ONECUT3: variants seen among roughly 807,000 people sequenced by gnomAD.
ONECUT3 encodes the protein one cut domain family member 3.
A neutral mutation model predicts 16.8 loss-of-function variants in ONECUT3; 11 were observed. The ratio of observed to expected loss-of-function variants is 0.66; its 90% CI spans 0.41 to 1.09. The LOEUF is 1.09. Among genes scored for constraint, ONECUT3 ranks in the 50% least tolerant of loss-of-function variants. The pLI, the probability that ONECUT3 is intolerant of heterozygous loss-of-function variation, is 0.00. For synonymous variants in ONECUT3, 344 were observed against 310.7 expected, an observed-to-expected ratio of 1.11 and a Z score of -1.13; for missense variants, 637 against 629.9, an observed-to-expected ratio of 1.01 and a Z score of -0.12.
chr19:1,774,416 G>A (rs1344875728), intron 1 of ONECUT3, among the ~76,000 whole-genome samples: 3 of 67,426 alleles, frequency 4.4e-5, no homozygotes, highest in South Asian at 4.1e-4. Context: ...CTTCCCCTCC[G>A]CAAAAAAAAA....
At position 1,753,826 on chromosome 19, in the gene ONECUT3, A is replaced by ACGGTGG. The variant is rs1173387981; in HGVS notation, c.167_168insTGGCGG (p.Gly63_Gly64dup). 2 of 951,602 alleles carry ACGGTGG rather than the reference A, an allele frequency of 2.1e-6. No individual in the cohort carries two copies. Among genetic ancestry groups the ACGGTGG allele is most frequent in the African/African-American group, 3.7e-5 (2 of 54,744 alleles). The allele number at this position is 951,602 out of a possible 1,614,324, so 58.9% of individuals were successfully genotyped here. A position where few individuals can be genotyped will look rare whatever the true frequency, so the allele number is the denominator to read the frequency against. ...GTGGCCGGCATGGCGAGCCTGCTGG[A>ACGGTGG]CGGCGGCGGCGGCGGCGGCGGTGGG... is the stretch of plus-strand genomic sequence containing the variant. On this transcript the variant is annotated inframe_insertion, in exon 1 of 2. Transcript: ENST00000382349.
At position 1,775,584 on chromosome 19, in the gene ONECUT3, G is replaced by T. The variant is rs1226624565; in HGVS notation, c.*139G>T. 7.7e-6 allele frequency: 6 copies of T among 775,490 alleles called. No homozygotes were observed. In the East Asian group the frequency reaches 1.3e-4, roughly 17 times the overall value. The allele number at this position is 775,490 out of a possible 1,614,324, so 48.0% of individuals were successfully genotyped here. On this transcript the variant is annotated 3_prime_UTR_variant, in exon 2 of 2. Coordinates refer to ENST00000382349, the MANE Select transcript of ONECUT3 (RefSeq NM_001080488.2). Reference sequence around the variant, plus strand: ...GTGCTATCCGGGCCCCCCACACCCGGGGAGGGGGAAGCAGCACACCCCCCA... The same window carrying T: ...GTGCTATCCGGGCCCCCCACACCCGTGGAGGGGGAAGCAGCACACCCCCCA...
chr19:1,769,461 C>T (rs2068033539), intron 1 of ONECUT3, among the ~76,000 whole-genome samples: 1 of 152,044 alleles, frequency 6.6e-6, no homozygotes, highest in African/African-American at 2.4e-5. Flanking sequence ...AGGGCTTCAC[C>T]CCCGTCCCCA....
At position 1,755,242 on chromosome 19, in the gene ONECUT3, A is replaced by T. The variant is rs1393708887; in HGVS notation, c.1192+388A>T. On this transcript the variant is annotated intron_variant, in intron 1 of 1. Coordinates refer to ENST00000382349, the MANE Select transcript of ONECUT3 (RefSeq NM_001080488.2). This position sits in a 1 kb window ranked among gnomAD's most constrained non-coding sequence, Gnocchi z 7.5. ...CTGTTGGGGGGAGCTGTGTCCCCGA[A>T]CGAGCTGCTGTTGTCGGCTAAGGTG... 2.0e-5 allele frequency among the ~76,000 whole-genome samples: 3 copies of T among 151,296 alleles called. No homozygotes were observed. The highest frequency in any genetic ancestry group is 4.4e-5 in the Non-Finnish European group (3 of 67,802).
rs1381621876 is a variant in ONECUT3, at chr19:1,764,375, G to A, written c.1192+9521G>A. 6.6e-6 allele frequency among the ~76,000 whole-genome samples: 1 copy of A among 152,186 alleles called. No individual in the cohort carries two copies. The highest frequency in any genetic ancestry group is 1.5e-5 in the Non-Finnish European group (1 of 68,034). ...TCCCGGTTAAGTCTTTGAAGGCTCA[G>A]AACTAATTTGAAAATGCAGTCATTA... On this transcript the variant is annotated intron_variant, in intron 1 of 1. Transcript: ENST00000382349. This position sits in a 1 kb window ranked among gnomAD's most constrained non-coding sequence, Gnocchi z 5.0.
At chr19:1,756,415 T>C (rs552657121) in intron 1 of ONECUT3, among the ~76,000 whole-genome samples, 1 of 152,210 alleles carries the variant, frequency 6.6e-6, no homozygotes, top group Non-Finnish European at 1.5e-5. Context: ...CCCCTCCCCA[T>C]GACACATACA....
At chr19:1,773,411 T>C (rs1010624614) in intron 1 of ONECUT3, among the ~76,000 whole-genome samples, 2 of 152,204 alleles carry the variant, frequency 1.3e-5, no homozygotes, top group African/African-American at 4.8e-5. Context: ...GGGAGTGAAG[T>C]GTGCGTCAGC....
intron 1 of ONECUT3, among the ~76,000 whole-genome samples, chr19:1,774,691 G>A (rs1326284187): frequency 6.6e-6 from 1 of 151,078 alleles, no homozygotes; most frequent in African/African-American, 2.4e-5. Context: ...GGGGTTTGGG[G>A]GGTATGAGGC....
Position 1,754,152 on chromosome 19 carries a change from G to C in ONECUT3, c.490G>C (p.Val164Leu). 9.5e-7 allele frequency: 1 copy of C among 1,047,576 alleles called. No homozygotes were observed. The highest frequency in any genetic ancestry group is 2.9e-5 in the South Asian group (1 of 34,428). 64.9% of individuals were successfully genotyped at this position (1,047,576 alleles called of 1,614,324 possible). Residue 164 changes from valine (V) to leucine (L), a missense_variant, in exon 1 of 2, where the codon GTG (valine) becomes CTG (leucine). By Grantham distance (32) the Val-to-Leu change is conservative. Around this residue, in one of 3 missense-constraint regions of ONECUT3, gnomAD observed 419 missense variants for 377.9 expected, o/e 1.11. Transcript: ENST00000382349. This position sits in a 1 kb window ranked among gnomAD's most constrained non-coding sequence, Gnocchi z 7.4. ...CCCGCCGCAGCGTCTGGCGGCCAGCGTGAGCGGCAGCTTCACCCTCATGCG... is the reference window on the plus strand; with the variant it reads ...CCCGCCGCAGCGTCTGGCGGCCAGCCTGAGCGGCAGCTTCACCCTCATGCG... ...PPPPQRLAAS[V>L]SGSFTLMRDE... is the part of the protein sequence containing the mutation.
At position 1,754,577 on chromosome 19, in the gene ONECUT3, C is replaced by A; in HGVS notation, c.915C>A (p.Pro305=). 8.3e-7 allele frequency: 1 copy of A among 1,208,218 alleles called. No homozygotes were observed. Among genetic ancestry groups the A allele is most frequent in the Non-Finnish European group, 1.0e-6 (1 of 965,114 alleles). The allele number at this position is 1,208,218 out of a possible 1,614,324, so 74.8% of individuals were successfully genotyped here. ...AHGPHGGGGG[P]GGSGGGPSAG... is the part of the protein sequence containing the mutation. The stretch of plus-strand genomic sequence containing the variant: ...GGCCGCACGGGGGAGGCGGCGGCCC[C>A]GGCGGGAGCGGCGGCGGCCCCAGCG... The change falls in exon 1 of 2, where the codon CCC becomes CCA. Residue 305 remains proline (P), a synonymous_variant. Transcript: ENST00000382349. This position sits in a 1 kb window ranked among gnomAD's most constrained non-coding sequence, Gnocchi z 7.4.
At position 1,754,908 on chromosome 19, in the gene ONECUT3, G is replaced by C. The variant is rs1303325517; in HGVS notation, c.1192+54G>C. ...CTGGGGGCGCCGGCTCTGGACTCCCGAGCACCTAGCGGGGCGGCGGCCGAT... is the reference window on the plus strand; with the variant it reads ...CTGGGGGCGCCGGCTCTGGACTCCCCAGCACCTAGCGGGGCGGCGGCCGAT... On this transcript the variant is annotated intron_variant, in intron 1 of 1. Coordinates refer to ENST00000382349, the MANE Select transcript of ONECUT3 (RefSeq NM_001080488.2). This position sits in a 1 kb window ranked among gnomAD's most constrained non-coding sequence, Gnocchi z 7.4. 1 of 1,303,288 alleles carries C rather than the reference G, an allele frequency of 7.7e-7. No individual in the cohort carries two copies. The highest frequency in any genetic ancestry group is 1.5e-5 in the African/African-American group (1 of 64,888). 80.7% of individuals were successfully genotyped at this position (1,303,288 alleles called of 1,614,324 possible).
At chr19:1,760,522 G>A (rs191128553) in intron 1 of ONECUT3, among the ~76,000 whole-genome samples, 31 of 152,238 alleles carry the variant, frequency 2.0e-4, no homozygotes, top group Non-Finnish European at 4.0e-4. Flanking sequence ...CCCCACAGGA[G>A]CCACATCCTT....
chr19:1,770,266 T>G (rs149013852), intron 1 of ONECUT3, among the ~76,000 whole-genome samples: 3 of 151,868 alleles, frequency 2.0e-5, no homozygotes, highest in African/African-American at 7.3e-5. Context: ...TTTGTGGGGG[T>G]TTTTTGTTTT....
At position 1,776,707 on chromosome 19, in the gene ONECUT3, G is replaced by T. The variant is rs2068111918; in HGVS notation, c.*1262G>T. Reference sequence around the variant, plus strand: ...GCCGGCCGCGGGATCCCAGGAGCCCGCCTCCTCCGGGGGTTCAAGATCCGA... The same window carrying T: ...GCCGGCCGCGGGATCCCAGGAGCCCTCCTCCTCCGGGGGTTCAAGATCCGA... On this transcript the variant is annotated 3_prime_UTR_variant, in exon 2 of 2. Transcript: ENST00000382349. This position sits in a 1 kb window ranked among gnomAD's most constrained non-coding sequence, Gnocchi z 4.9. 1 of 141,650 alleles carries T rather than the reference G, an allele frequency of 7.1e-6. No homozygotes were observed. Among genetic ancestry groups the T allele is most frequent in the African/African-American group, 2.7e-5 (1 of 37,542 alleles). 8.8% of individuals were successfully genotyped at this position (141,650 alleles called of 1,614,324 possible).
Position 1,755,110 on chromosome 19 carries a change from A to T in ONECUT3, c.1192+256A>T, listed in dbSNP as rs1394161892. ...GCTTCTGCCCCTTTCGGGAGCGCGT[A>T]GGGGTTCTCTAGTCCTTGTTAGACT... On this transcript the variant is annotated intron_variant, in intron 1 of 1. Coordinates refer to ENST00000382349, the MANE Select transcript of ONECUT3 (RefSeq NM_001080488.2). This position sits in a 1 kb window ranked among gnomAD's most constrained non-coding sequence, Gnocchi z 7.5. Among the ~76,000 whole-genome samples, 1 of 152,074 alleles carries T rather than the reference A, an allele frequency of 6.6e-6. No homozygotes were observed. Among genetic ancestry groups the T allele is most frequent in the Non-Finnish European group, 1.5e-5 (1 of 68,012 alleles).
rs2067936211 is a variant in ONECUT3, at chr19:1,759,739, G to A, written c.1192+4885G>A. ...GACTTGAGCCTCAGTTTTCTTATCTGAGAAATGGGCAGAATGAAATGACGC... is the reference window on the plus strand; with the variant it reads ...GACTTGAGCCTCAGTTTTCTTATCTAAGAAATGGGCAGAATGAAATGACGC... On this transcript the variant is annotated intron_variant, in intron 1 of 1. Coordinates refer to ENST00000382349, the MANE Select transcript of ONECUT3 (RefSeq NM_001080488.2). The surrounding 1 kb of genome is among the most constrained non-coding windows in gnomAD (Gnocchi z 4.1). Among the ~76,000 whole-genome samples the A allele has an allele frequency of 6.6e-6, 1 of 152,152 alleles. No homozygotes were observed. The highest frequency in any genetic ancestry group is 2.4e-5 in the African/African-American group (1 of 41,438).
rs1325590753 is a variant in ONECUT3, at chr19:1,779,619, A to G, written c.*4174A>G. On this transcript the variant is annotated 3_prime_UTR_variant, in exon 2 of 2. Transcript: ENST00000382349. Reference sequence around the variant, plus strand: ...AAAAAAAAAGACAAAATGGAATTTGAGTTGGTGCATGACTAATGTACTCTT... The same window carrying G: ...AAAAAAAAAGACAAAATGGAATTTGGGTTGGTGCATGACTAATGTACTCTT... 1 of 138,752 alleles carries G rather than the reference A, an allele frequency of 7.2e-6. No homozygotes were observed. Among genetic ancestry groups the G allele is most frequent in the Non-Finnish European group, 1.5e-5 (1 of 65,926 alleles). The allele number at this position is 138,752 out of a possible 1,614,324, so 8.6% of individuals were successfully genotyped here.
In ONECUT3 at chr19:1,759,761, A is replaced by C. The variant is rs2067936278; in HGVS notation, c.1192+4907A>C. The stretch of plus-strand genomic sequence containing the variant: ...TCTGAGAAATGGGCAGAATGAAATG[A>C]CGCCTAGGAGAGGGGGTATGAGGGG... On this transcript the variant is annotated intron_variant, in intron 1 of 1. Transcript: ENST00000382349. This position sits in a 1 kb window ranked among gnomAD's most constrained non-coding sequence, Gnocchi z 4.1. 6.6e-6 allele frequency among the ~76,000 whole-genome samples: 1 copy of C among 151,730 alleles called. No homozygotes were observed. The highest frequency in any genetic ancestry group is 1.5e-5 in the Non-Finnish European group (1 of 67,982).
At chr19:1,756,992 T>C (rs1241771012) in intron 1 of ONECUT3, among the ~76,000 whole-genome samples, 1 of 152,094 alleles carries the variant, frequency 6.6e-6, no homozygotes, top group Non-Finnish European at 1.5e-5. Context: ...GCACCCAGAG[T>C]CCACACCACT....
Sources: gnomAD v4.1 joint callset for allele counts (sites outside exome capture counted in the v4.1 genomes callset) on GRCh38, gnomAD v4.1.1 for gene constraint, gnomAD v4.1.1 regional missense constraint, Gnocchi (gnomAD v3.1) non-coding constraint, MANE v1.5 for transcripts, NCBI Gene and HGNC (gene_info 2026-07-23, HGNC 2026-07-21) for gene names.